The following EXOC4 variants were observed in gnomAD, a reference collection of about 807,000 sequenced individuals.
The protein encoded by EXOC4 is exocyst complex component 4.
In EXOC4, 71 loss-of-function variants were observed where a neutral mutation model predicts 107.2. The observed-to-expected ratio is 0.66, with a 90% CI of 0.55 to 0.81. The LOEUF (loss-of-function observed/expected upper bound fraction) is 0.81, where lower values mean the gene tolerates loss of function less well. EXOC4 is among the 30% of genes least tolerant of loss of function. The pLI, the probability that EXOC4 is intolerant of heterozygous loss-of-function variation, is 0.00. For missense variants in EXOC4, 1,108 were observed against 1,189.6 expected (o/e 0.93, Z 1.01); for synonymous variants, 456 against 441.2 (o/e 1.03, Z -0.42).
chr7:134,046,256 C>A (rs924283596), intron 17 of EXOC4, among the ~76,000 whole-genome samples: 1 of 152,040 alleles, frequency 6.6e-6, no homozygotes, highest in African/African-American at 2.4e-5. Context: ...CTGAGACAGG[C>A]GGATCGCTTG....
intron 17 of EXOC4, among the ~76,000 whole-genome samples, chr7:134,053,249 AAAAG>A (rs1352295501): frequency 1.4e-5 from 2 of 146,230 alleles, no homozygotes; most frequent in African/African-American, 5.5e-5. Flanking sequence ...AAAAAAAAAA[AAAAG>A]AAGAAGAATT....
chr7:133,263,667 C>T (rs530981542), intron 1 of EXOC4, among the ~76,000 whole-genome samples: 4 of 152,032 alleles, frequency 2.6e-5, no homozygotes, highest in South Asian at 2.1e-4. Context: ...CATGAGCCAC[C>T]GTGCCTGGCC....
intron 12 of EXOC4, among the ~76,000 whole-genome samples, chr7:133,898,761 A>G (rs1799381265): frequency 6.7e-6 from 1 of 149,900 alleles, no homozygotes; most frequent in South Asian, 2.1e-4. Flanking sequence ...AAAAAAAAAA[A>G]AAAAAAAAGA....
At chr7:133,631,444 C>A (rs368376756) in intron 10 of EXOC4, among the ~76,000 whole-genome samples, 1 of 152,042 alleles carries the variant, frequency 6.6e-6, no homozygotes, top group Admixed American at 6.5e-5. Flanking sequence ...TATAGCTAAC[C>A]AGTGTTCTAA....
intron 10 of EXOC4, among the ~76,000 whole-genome samples, chr7:133,695,309 T>G (rs1794510285): frequency 6.6e-6 from 1 of 152,210 alleles, no homozygotes; most frequent in Admixed American, 6.5e-5. Flanking sequence ...CTTCCCATTC[T>G]TTTTAATGGC....
intron 14 of EXOC4, among the ~76,000 whole-genome samples, chr7:133,992,599 AT>A (rs1459270259): frequency 6.6e-6 from 1 of 151,770 alleles, no homozygotes; most frequent in East Asian, 1.9e-4. Flanking sequence ...TTGTATGTGG[AT>A]TTTGTATCCT....
At chr7:133,931,673 A>T (rs561373749) in intron 13 of EXOC4, among the ~76,000 whole-genome samples, 5 of 152,176 alleles carry the variant, frequency 3.3e-5, no homozygotes, top group Admixed American at 1.3e-4. Flanking sequence ...AAAACATAAT[A>T]AATCTCTCAT....
chr7:133,488,224 T>C (rs1799306458), intron 9 of EXOC4, among the ~76,000 whole-genome samples: 1 of 152,152 alleles, frequency 6.6e-6, no homozygotes, highest in South Asian at 2.1e-4. Context: ...ATGCAGGTAA[T>C]GTGATATCTG....
chr7:133,688,690 A>G (rs1454479133), intron 10 of EXOC4, among the ~76,000 whole-genome samples: 1 of 152,168 alleles, frequency 6.6e-6, no homozygotes, highest in East Asian at 1.9e-4. Flanking sequence ...CTTGTCTGTC[A>G]TTTTAAACAA....
intron 9 of EXOC4, among the ~76,000 whole-genome samples, chr7:133,558,701 A>G (rs1800750831): frequency 6.6e-6 from 1 of 152,132 alleles, no homozygotes; most frequent in Non-Finnish European, 1.5e-5. Context: ...GCTTACTGAA[A>G]GGATATGACA....
downstream of EXOC4, among the ~76,000 whole-genome samples, chr7:134,067,628 TATATATATATACACACAC>T (rs1486258648): frequency 7.0e-5 from 3 of 43,094 alleles, no homozygotes; most frequent in African/African-American, 1.8e-4. Context: ...CCAACTCTTA[TATATATATATACACACAC>T]ACACACACAC....
chr7:133,575,688 AATCAT>A (rs1300323769), intron 9 of EXOC4, among the ~76,000 whole-genome samples: 1 of 152,172 alleles, frequency 6.6e-6, no homozygotes, highest in Admixed American at 6.5e-5. Context: ...AGAGGGTTTA[AATCAT>A]AGTGGTGCCT....
intron 17 of EXOC4, among the ~76,000 whole-genome samples, chr7:134,056,624 A>G (rs1035277181): frequency 2.0e-5 from 3 of 152,252 alleles, no homozygotes; most frequent in African/African-American, 7.2e-5. Flanking sequence ...TTTTAATTGT[A>G]CTGAATTTAA....
chr7:133,992,954 A>G (rs1794297633), intron 14 of EXOC4, among the ~76,000 whole-genome samples: 1 of 151,832 alleles, frequency 6.6e-6, no homozygotes, highest in Non-Finnish European at 1.5e-5. Flanking sequence ...AGTTTTGATC[A>G]TGAAGGGATA....
chr7:134,092,978 T>A, the EXOC4 span, among the ~76,000 whole-genome samples: 30 of 149,404 alleles, frequency 2.0e-4, no homozygotes, highest in Admixed American at 8.0e-4. Context: ...AAATACATAC[T>A]TAAGTACATA....
At chr7:133,997,413 A>C in intron 14 of EXOC4, 79 bp from the exon 15 acceptor site, 1 of 1,536,180 alleles carries the variant, frequency 6.5e-7, no homozygotes, top group Non-Finnish European at 8.9e-7. Flanking sequence ...AAACAAGATG[A>C]ACAGCAAAAT....
chr7:133,317,505 A>T lies in EXOC4; in HGVS notation c.763+115A>T, dbSNP rs1795017893. The T allele has an allele frequency of 4.4e-6, 3 of 680,980 alleles. No individual in the cohort carries two copies. In the African/African-American group the frequency reaches 5.4e-5, roughly 12 times the overall value. The allele number at this position is 680,980 out of a possible 1,614,324, so 42.2% of individuals were successfully genotyped here. On this transcript the variant is annotated intron_variant, in intron 5 of 17. Transcript: ENST00000253861. ...GGTTGGGCTGGGCTAGGTGGGCCTG[A>T]GCTAGGTGTGTTGGAACCTGTGATG...
intron 10 of EXOC4, among the ~76,000 whole-genome samples, chr7:133,642,864 C>A (rs2151026403): frequency 6.6e-6 from 1 of 152,194 alleles, no homozygotes; most frequent in Admixed American, 6.5e-5. Flanking sequence ...AAATTTTTTT[C>A]TTTCTACCAA....
chr7:133,973,850 C>G (rs1281963919), intron 14 of EXOC4, among the ~76,000 whole-genome samples: 3 of 152,174 alleles, frequency 2.0e-5, no homozygotes, highest in African/African-American at 7.2e-5. Context: ...TCTTATAGTT[C>G]TGGAGGATGG....
Sources: gnomAD v4.1 joint callset for allele counts (sites outside exome capture counted in the v4.1 genomes callset) on GRCh38, gnomAD v4.1.1 for gene constraint, MANE v1.5 for transcripts, NCBI Gene and HGNC (gene_info 2026-07-23, HGNC 2026-07-21) for gene names.